The following SEPTIN2 variants were observed in gnomAD, a reference collection of about 807,000 sequenced individuals.
SEPTIN2 encodes the protein septin 2, also known as septin-2.
In SEPTIN2, 34 loss-of-function variants were observed where a neutral mutation model predicts 46.5. The observed-to-expected ratio is 0.73, with a 90% CI of 0.56 to 0.97. The LOEUF (loss-of-function observed/expected upper bound fraction) is 0.97, where lower values mean the gene tolerates loss of function less well. Among genes scored for constraint, SEPTIN2 ranks in the 50% least tolerant of loss-of-function variants. The pLI, the probability that SEPTIN2 is intolerant of heterozygous loss-of-function variation, is 0.00. For missense variants in SEPTIN2, 347 were observed against 448.4 expected, an observed-to-expected ratio of 0.77 and a Z score of 2.04; for synonymous variants, 175 against 153.4, an observed-to-expected ratio of 1.14 and a Z score of -1.04.
intron 7 of SEPTIN2, among the ~76,000 whole-genome samples, chr2:241,338,593 A>C (rs2080447250): frequency 7.9e-6 from 1 of 126,918 alleles, no homozygotes; most frequent in Admixed American, 1.3e-4. Flanking sequence ...CTAAAAAAAT[A>C]TATATATATA....
At chr2:241,342,693 G>A (rs931199109) in intron 7 of SEPTIN2, among the ~76,000 whole-genome samples, 4 of 151,676 alleles carry the variant, frequency 2.6e-5, no homozygotes, top group Non-Finnish European at 4.4e-5. Flanking sequence ...CCACTGCCAC[G>A]CTTAGCTAAT....
intron 1 of SEPTIN2, chr2:241,320,197 CTG>C (rs1426077482): frequency 2.1e-6 from 1 of 470,580 alleles, no homozygotes; most frequent in African/African-American, 2.0e-5. Flanking sequence ...TCCCTTTTCT[CTG>C]TAGAGGCTTG....
At chr2:241,344,871 G>T (rs1575372542) in intron 9 of SEPTIN2, among the ~76,000 whole-genome samples, 1 of 152,044 alleles carries the variant, frequency 6.6e-6, no homozygotes, top group Non-Finnish European at 1.5e-5. Context: ...TTTGAAACCA[G>T]CCTGGCTGAC....
At chr2:241,348,300 T>C in intron 11 of SEPTIN2, 109 bp downstream of exon 11, 2 of 658,850 alleles carry the variant, frequency 3.0e-6, no homozygotes, top group South Asian at 1.8e-5. Context: ...TGATCTCGGC[T>C]CACTGCAACC....
chr2:241,339,784 C>G (rs1345665466), intron 7 of SEPTIN2, among the ~76,000 whole-genome samples: 2 of 152,154 alleles, frequency 1.3e-5, no homozygotes, highest in African/African-American at 2.4e-5. Flanking sequence ...CTGAGCCCAA[C>G]GCTGCACACA....
chr2:241,330,022 T>C (rs930760223), intron 3 of SEPTIN2, among the ~76,000 whole-genome samples: 2 of 152,194 alleles, frequency 1.3e-5, no homozygotes, highest in Non-Finnish European at 2.9e-5. Context: ...TTGAATAAAT[T>C]ATGCTTCTAA....
At chr2:241,338,448 A>G (rs1297029270) in intron 7 of SEPTIN2, among the ~76,000 whole-genome samples, 1 of 150,980 alleles carries the variant, frequency 6.6e-6, no homozygotes, top group East Asian at 1.9e-4. Flanking sequence ...AAATCCCTAA[A>G]TGAACATACC....
In SEPTIN2 at chr2:241,336,069, C is replaced by T. The variant is rs746889013; in HGVS notation, c.312C>T (p.Gly104=). ...KLRLTVVDTP[G]YGDAINCRDC... Reference sequence around the variant, plus strand: ...GCCTGACAGTGGTAGATACCCCTGGCTATGGTGACGCTATCAACTGCAGAG... The same window carrying T: ...GCCTGACAGTGGTAGATACCCCTGGTTATGGTGACGCTATCAACTGCAGAG... The change falls in exon 5 of 13, where the codon GGC becomes GGT. Residue 104 remains glycine, a synonymous_variant. Coordinates refer to ENST00000391971, the MANE Select transcript of SEPTIN2 (RefSeq NM_004404.5). The T allele has an allele frequency of 4.6e-5, 74 of 1,614,050 alleles. No homozygotes were observed. In the South Asian group the frequency reaches 7.8e-4, roughly 17 times the overall value.
Position 241,348,149 on chromosome 2 carries a change from G to A in SEPTIN2, c.942G>A (p.Glu314=). Residue 314 remains glutamate, a synonymous_variant, in exon 11 of 13, where the codon GAG becomes GAA. Coordinates refer to ENST00000391971, the MANE Select transcript of SEPTIN2 (RefSeq NM_004404.5). ...LKRGGRKVEN[E]DMNKDQILLE... is the part of the protein sequence containing the mutation. ...CGATTCTTAGGAAAGTGGAGAATGA[G>A]GACATGAATAAAGACCAGATCTTGC... 6.2e-7 allele frequency: 1 copy of A among 1,612,702 alleles called. No homozygotes were observed. The highest frequency in any genetic ancestry group is 8.5e-7 in the Non-Finnish European group (1 of 1,179,244).
At chr2:241,343,662 T>G in intron 8 of SEPTIN2, 90 bp from the exon 9 acceptor site, 1 of 1,411,986 alleles carries the variant, frequency 7.1e-7, no homozygotes, top group Non-Finnish European at 9.8e-7. Flanking sequence ...TCAACAGCAA[T>G]GTGTTAAGTC....
At position 241,338,857 on chromosome 2, in the gene SEPTIN2, TA is replaced by T. The variant is rs1203749096; in HGVS notation, c.594+1072del. ...ATATATAATAAATATATAATATATATAAAAATATATATATTTAATATATCTA... is the reference window on the plus strand; with the variant it reads ...ATATATAATAAATATATAATATATATAAAATATATATATTTAATATATCTA... On this transcript the variant is annotated intron_variant, in intron 7 of 12. Transcript: ENST00000391971. Among the ~76,000 whole-genome samples, 12 of 95,752 alleles carry T rather than the reference TA, an allele frequency of 1.3e-4. No individual in the cohort carries two copies. The East Asian group carries it at 2.8e-3, about 22-fold the overall frequency. 62.8% of individuals were successfully genotyped at this position (95,752 alleles called of 152,430 possible).
Position 241,338,832 on chromosome 2 carries a change from A to ACATATTATATTTATATTATT in SEPTIN2, c.594+1042_594+1043insCATATTATATTTATATTATT, listed in dbSNP as rs1254284840. On this transcript the variant is annotated intron_variant, in intron 7 of 12. Transcript: ENST00000391971. Reference sequence around the variant, plus strand: ...TATATTTATATTATTTATATATAATATATATAATAAATATATAATATATAT... The same window carrying ACATATTATATTTATATTATT: ...TATATTTATATTATTTATATATAATACATATTATATTTATATTATTTATATAATAAATATATAATATATAT... Among the ~76,000 whole-genome samples, 5 of 97,776 alleles carry ACATATTATATTTATATTATT rather than the reference A, an allele frequency of 5.1e-5. No individual in the cohort carries two copies. The East Asian group carries it at 7.3e-4, about 14-fold the overall frequency. 64.1% of individuals were successfully genotyped at this position (97,776 alleles called of 152,430 possible).
At position 241,316,500 on chromosome 2, in the gene SEPTIN2, G is replaced by A. The variant is rs13417443; in HGVS notation, c.-18+518G>A. 18,001 of 1,510,182 alleles carry A rather than the reference G, an allele frequency of 0.012. 1,730 individuals carry two copies. The African/African-American group carries it at 0.21, about 18-fold the overall frequency. 93.5% of individuals were successfully genotyped at this position (1,510,182 alleles called of 1,614,324 possible). A position where few individuals can be genotyped will look rare whatever the true frequency, so the allele number is the denominator to read the frequency against. ...GGATAAGCGAGGGGAGAGCGACTAG[G>A]CCCTGTCTGCGGGTACCTTCGGCGA... is the stretch of plus-strand genomic sequence containing the variant. On this transcript the variant is annotated intron_variant, in intron 1 of 12. Coordinates refer to ENST00000391971, the MANE Select transcript of SEPTIN2 (RefSeq NM_004404.5).
At position 241,333,799 on chromosome 2, in the gene SEPTIN2, G is replaced by A. The variant is rs190475735; in HGVS notation, c.131-1327G>A. ...ATTACAGGCGTGGGCCACCGCGCCCGGCTGTGCGTCTGCACATTGCAAATT... is the reference window on the plus strand; with the variant it reads ...ATTACAGGCGTGGGCCACCGCGCCCAGCTGTGCGTCTGCACATTGCAAATT... On this transcript the variant is annotated intron_variant, in intron 3 of 12. Coordinates refer to ENST00000391971, the MANE Select transcript of SEPTIN2 (RefSeq NM_004404.5). Among the ~76,000 whole-genome samples, 178 of 152,286 alleles carry A rather than the reference G, an allele frequency of 1.2e-3. 1 individual carries two copies. The East Asian group carries it at 0.013, about 11-fold the overall frequency.
chr2:241,350,280 C>A, intron 12 of SEPTIN2, 77 bp downstream of exon 12: 1 of 742,812 alleles, frequency 1.3e-6, no homozygotes, highest in East Asian at 3.2e-5. Flanking sequence ...CAGGTTCCTC[C>A]TTAAGCCTCA....
chr2:241,353,155 A>G lies in SEPTIN2; in HGVS notation c.*1218A>G, dbSNP rs2060903458. The G allele has an allele frequency of 1.3e-5, 2 of 152,150 alleles. No individual in the cohort carries two copies. Among genetic ancestry groups the G allele is most frequent in the Admixed American group, 1.3e-4 (2 of 15,268 alleles). 9.4% of individuals were successfully genotyped at this position (152,150 alleles called of 1,614,324 possible). On this transcript the variant is annotated 3_prime_UTR_variant, in exon 13 of 13. Transcript: ENST00000391971. ...CAGGCTGTCTCATTTATTTTTAGCC[A>G]TTGTCGTTTCATTCATTTTGTGTAA...
chr2:241,330,735 AT>A (rs2078858339), intron 3 of SEPTIN2, among the ~76,000 whole-genome samples: 1 of 152,248 alleles, frequency 6.6e-6, no homozygotes, highest in South Asian at 2.1e-4. Flanking sequence ...TCATTTTCAA[AT>A]TAGGACTGAC....
In SEPTIN2 at chr2:241,350,185, A is replaced by T; in HGVS notation, c.*11A>T. 1 of 1,599,778 alleles carries T rather than the reference A, an allele frequency of 6.3e-7. No individual in the cohort carries two copies. The highest frequency in any genetic ancestry group is 2.2e-5 in the East Asian group (1 of 44,726). ...GGGCACCACGTGTAAGGTGATGTGC[A>T]CATATCAAGAAGTCAGAGGTAGGCC... On this transcript the variant is annotated 3_prime_UTR_variant, in exon 12 of 13. Coordinates refer to ENST00000391971, the MANE Select transcript of SEPTIN2 (RefSeq NM_004404.5).
chr2:241,342,867 T>G, intron 7 of SEPTIN2, 125 bp from the exon 8 acceptor site: 1 of 625,390 alleles, frequency 1.6e-6, no homozygotes, highest in Non-Finnish European at 2.9e-6. Flanking sequence ...ACAGTAACTT[T>G]CGTCATCAGT....
Sources: gnomAD v4.1 joint callset for allele counts (sites outside exome capture counted in the v4.1 genomes callset) on GRCh38, gnomAD v4.1.1 for gene constraint, MANE v1.5 for transcripts, NCBI Gene and HGNC (gene_info 2026-07-23, HGNC 2026-07-21) for gene names.